JAKMIP3: variants seen among roughly 807,000 people sequenced by gnomAD.
JAKMIP3 encodes janus kinase and microtubule-interacting protein 3.
Under a neutral mutation model 118.5 loss-of-function variants are expected in JAKMIP3, and 58 were observed. The ratio of observed to expected loss-of-function variants is 0.49; its 90% CI spans 0.40 to 0.61. The LOEUF is 0.61. Ranked by LOEUF, JAKMIP3 falls within the 20% of genes least tolerant of loss-of-function variation. JAKMIP3 has a pLI of 0.00. For missense variants in JAKMIP3, 950 were observed against 1,109.0 expected, an observed-to-expected ratio of 0.86 and a Z score of 2.04; for synonymous variants, 486 against 451.2, an observed-to-expected ratio of 1.08 and a Z score of -0.98.
chr10:132,113,705 T>C (rs1037526078), intron 2 of JAKMIP3, among the ~76,000 whole-genome samples: 8 of 152,250 alleles, frequency 5.3e-5, no homozygotes, highest in Admixed American at 5.2e-4. Context: ...TCCTATGTTT[T>C]CTTCTAGAAG....
intron 1 of JAKMIP3, among the ~76,000 whole-genome samples, chr10:132,071,807 CCTTTCCTTTCTTTT>C (rs1414193741): frequency 2.1e-5 from 3 of 142,374 alleles, no homozygotes; most frequent in African/African-American, 2.7e-5. Context: ...TTCCTTCTTT[CCTTTCCTTTCTTTT>C]CTTTCCTTTC....
In JAKMIP3 at chr10:132,119,400, C is replaced by T. The variant is rs117708677; in HGVS notation, c.633+1826C>T. Among the ~76,000 whole-genome samples the T allele has an allele frequency of 1.2e-4, 19 of 152,322 alleles. No individual in the cohort carries two copies. In the East Asian group the frequency reaches 3.5e-3, roughly 28 times the overall value. ...TGTCTTGTTTAGGAAATCTTTCGAT[C>T]CCAGAGTCAGGAATCTTCATCTTTT... On this transcript the variant is annotated intron_variant, in intron 3 of 23. Coordinates refer to ENST00000684848, the MANE Select transcript of JAKMIP3 (RefSeq NM_001323087.2).
rs1182315757 is a variant in JAKMIP3, at chr10:132,179,474, C to T, written c.*1104-2883C>T. 3.9e-5 allele frequency among the ~76,000 whole-genome samples: 6 copies of T among 152,170 alleles called. No homozygotes were observed. Among genetic ancestry groups the T allele is most frequent in the Admixed American group, 6.5e-5 (1 of 15,288 alleles). On this transcript the variant is annotated intron_variant, in intron 23 of 23. Coordinates refer to ENST00000684848, the MANE Select transcript of JAKMIP3 (RefSeq NM_001323087.2). The surrounding 1 kb of genome is among the most constrained non-coding windows in gnomAD (Gnocchi z 4.3). ...GGGATGAGGATTATCTGGGTTTCTC[C>T]CGCGGAACCCTTACTGTGGCACTGA... is the stretch of plus-strand genomic sequence containing the variant.
At chr10:132,075,070 G>T (rs1478087881) in intron 1 of JAKMIP3, among the ~76,000 whole-genome samples, 5 of 152,124 alleles carry the variant, frequency 3.3e-5, no homozygotes. Context: ...TGCTGTTTTG[G>T]TTACTATAAC....
intron 10 of JAKMIP3, among the ~76,000 whole-genome samples, chr10:132,141,190 C>T (rs1018722252): frequency 6.6e-6 from 1 of 152,184 alleles, no homozygotes; most frequent in Admixed American, 6.5e-5. Flanking sequence ...TTGGGCCTCC[C>T]GTGGCAGACC....
intron 23 of JAKMIP3, among the ~76,000 whole-genome samples, chr10:132,174,397 C>T (rs2059954411): frequency 1.3e-5 from 2 of 151,954 alleles, no homozygotes; most frequent in African/African-American, 4.8e-5. Context: ...TTGGTGGGCT[C>T]AATGGCCTCC....
At chr10:132,180,465 C>T (rs1426697845) in intron 23 of JAKMIP3, among the ~76,000 whole-genome samples, 4 of 71,938 alleles carry the variant, frequency 5.6e-5, no homozygotes, top group African/African-American at 9.4e-5. Flanking sequence ...CTAGAAGAGA[C>T]GGAACAGATG....
chr10:132,115,879 T>C (rs9633665), intron 2 of JAKMIP3, among the ~76,000 whole-genome samples: 78,854 of 152,112 alleles, frequency 0.52, 20,687 homozygotes, highest in South Asian at 0.63. Flanking sequence ...GAGCCGTGAA[T>C]ATTTGGCGAC....
chr10:132,171,482 G>A (rs928512419), intron 23 of JAKMIP3, among the ~76,000 whole-genome samples: 4 of 152,120 alleles, frequency 2.6e-5, no homozygotes, highest in African/African-American at 7.2e-5. Flanking sequence ...AATGAGACGC[G>A]AGACGTTACT....
At chr10:132,055,165 G>A (rs969385757) in intron 1 of JAKMIP3, among the ~76,000 whole-genome samples, 21 of 152,202 alleles carry the variant, frequency 1.4e-4, no homozygotes, top group Non-Finnish European at 4.4e-5. Flanking sequence ...TAACTGGGAG[G>A]TGCACAGCAG....
At chr10:132,154,095 C>A (rs1445633240) in intron 19 of JAKMIP3, 105 bp downstream of exon 19, 2 of 944,816 alleles carry the variant, frequency 2.1e-6, no homozygotes, top group African/African-American at 1.6e-5. Flanking sequence ...TGGGCCAGGT[C>A]GCAGGGCCCC....
intron 1 of JAKMIP3, among the ~76,000 whole-genome samples, chr10:132,052,716 C>A (rs2133815919): frequency 6.6e-6 from 1 of 152,242 alleles, no homozygotes; most frequent in East Asian, 1.9e-4. Context: ...TTTGTTATTT[C>A]TAAGAGTGTT....
intron 1 of JAKMIP3, among the ~76,000 whole-genome samples, chr10:132,039,062 G>T (rs1248708087): frequency 6.6e-6 from 1 of 152,226 alleles, no homozygotes; most frequent in Non-Finnish European, 1.5e-5. Flanking sequence ...AGCAAGGGAG[G>T]AGGTACAGAC....
intron 2 of JAKMIP3, among the ~76,000 whole-genome samples, chr10:132,109,581 ACCTGAGGGC>A (rs1333065722): frequency 2.0e-5 from 3 of 151,998 alleles, no homozygotes; most frequent in African/African-American, 7.3e-5. Context: ...AGCTCATTGC[ACCTGAGGGC>A]CCTGAGGATC....
At chr10:132,087,626 C>A (rs1052334231) in intron 1 of JAKMIP3, among the ~76,000 whole-genome samples, 9 of 150,444 alleles carry the variant, frequency 6.0e-5, no homozygotes, top group African/African-American at 1.2e-4. Flanking sequence ...GAAGTTCTTT[C>A]TTCTGCTTGT....
Position 132,049,603 on chromosome 10 carries a change from G to A in JAKMIP3, c.-138+12865G>A, listed in dbSNP as rs975298104. 1.3e-5 allele frequency among the ~76,000 whole-genome samples: 2 copies of A among 151,562 alleles called. No homozygotes were observed. The highest frequency in any genetic ancestry group is 1.5e-5 in the Non-Finnish European group (1 of 67,954). On this transcript the variant is annotated intron_variant, in intron 1 of 23. Coordinates refer to the JAKMIP3 transcript ENST00000657785. The surrounding 1 kb of genome is among the most constrained non-coding windows in gnomAD (Gnocchi z 4.3). Reference sequence around the variant, plus strand: ...TTTTCCATATCCTTGAATGCTGTTTGCGTGTGCCCGGTTCTGTTTGGATGT... The same window carrying A: ...TTTTCCATATCCTTGAATGCTGTTTACGTGTGCCCGGTTCTGTTTGGATGT...
intron 15 of JAKMIP3, 37 bp downstream of exon 15, chr10:132,149,547 T>G: frequency 1.5e-6 from 1 of 678,658 alleles, no homozygotes. Context: ...CGCCCCCACC[T>G]CACCCATCCC....
intron 23 of JAKMIP3, among the ~76,000 whole-genome samples, chr10:132,171,632 CCT>C (rs1423908741): frequency 7.3e-5 from 11 of 151,164 alleles, no homozygotes; most frequent in African/African-American, 2.7e-4. Context: ...CCCTGATGTC[CCT>C]GTCTTATTTT....
chr10:132,049,211 G>T lies in JAKMIP3; in HGVS notation c.-138+12473G>T, dbSNP rs1297299037. On this transcript the variant is annotated intron_variant, in intron 1 of 23. Transcript: ENST00000657785. This position sits in a 1 kb window ranked among gnomAD's most constrained non-coding sequence, Gnocchi z 4.3. ...TAGCGGCTGGCGAGCTCTTTGCACC[G>T]TGGATTCGGGTCTGTTTCTATGTAG... Among the ~76,000 whole-genome samples the T allele has an allele frequency of 1.3e-5, 2 of 152,080 alleles. No individual in the cohort carries two copies. Among genetic ancestry groups the T allele is most frequent in the African/African-American group, 2.4e-5 (1 of 41,396 alleles).
Sources: gnomAD v4.1 joint callset for allele counts (sites outside exome capture counted in the v4.1 genomes callset) on GRCh38, gnomAD v4.1.1 for gene constraint, Gnocchi (gnomAD v3.1) non-coding constraint, MANE v1.5 for transcripts, NCBI Gene and HGNC (gene_info 2026-07-23, HGNC 2026-07-21) for gene names.